The following PAPOLB variants were observed in gnomAD, a reference collection of about 807,000 sequenced individuals.
PAPOLB encodes the protein PAP-beta.
In PAPOLB, 19 loss-of-function variants were observed where a neutral mutation model predicts 23.2. The ratio of observed to expected loss-of-function variants is 0.82; its 90% CI spans 0.57 to 1.20. The LOEUF is 1.20. PAPOLB is among the 50% of genes most tolerant of loss of function. The pLI is 0.00. For synonymous variants in PAPOLB, 360 were observed against 290.7 expected (o/e 1.24, Z -2.43); for missense variants, 822 against 776.8 (o/e 1.06, Z -0.69).
In PAPOLB at chr7:4,861,776, G is replaced by C; in HGVS notation, c.35C>G (p.Pro12Arg). The C allele has an allele frequency of 6.7e-7, 1 of 1,486,232 alleles. No homozygotes were observed. The highest frequency in any genetic ancestry group is 8.9e-7 in the Non-Finnish European group (1 of 1,121,274). 92.1% of individuals were successfully genotyped at this position (1,486,232 alleles called of 1,614,324 possible). ...MPFPVTTQGP[P>R]QPAPPPNRYG... ...GCGATTCGGCGGCGGCGCCGGCTGC[G>C]GTGGTCCCTGGGTTGTCACCGGAAA... The change falls in exon 1 of 1, where the codon CCG (proline) becomes CGG (arginine). Residue 12 changes from proline to arginine, a missense_variant. This residue lies in a region of PAPOLB where 276 missense variants were observed against 243.9 expected (regional missense o/e 1.13). Transcript: ENST00000404991.
chr7:4,861,994 T>A lies in PAPOLB; in HGVS notation c.-184A>T. On this transcript the variant is annotated 5_prime_UTR_variant, in exon 1 of 1. It removes an upstream start codon present in the reference 5' UTR. Transcript: ENST00000404991. ...CTCCTCCTTCCCCTCAGCCCCAACA[T>A]GGCGCCAGACCCCTCAGCGGCTGCG... is the stretch of plus-strand genomic sequence containing the variant. The A allele has an allele frequency of 2.2e-6, 1 of 446,522 alleles. No individual in the cohort carries two copies. The highest frequency in any genetic ancestry group is 4.0e-6 in the Non-Finnish European group (1 of 252,154). 27.7% of individuals were successfully genotyped at this position (446,522 alleles called of 1,614,324 possible).
In PAPOLB at chr7:4,859,028, C is replaced by T. The variant is rs1376861060; in HGVS notation, c.*869G>A. 2.0e-5 allele frequency: 3 copies of T among 152,164 alleles called. No individual in the cohort carries two copies. The highest frequency in any genetic ancestry group is 1.9e-4 in the East Asian group (1 of 5,200). 9.4% of individuals were successfully genotyped at this position (152,164 alleles called of 1,614,324 possible). The stretch of plus-strand genomic sequence containing the variant: ...ACAGATTAAAACCAGTGTGTCCTTT[C>T]TCCATAGTGTGCCATCAAAACCAAA... On this transcript the variant is annotated 3_prime_UTR_variant, in exon 1 of 1. Transcript: ENST00000404991.
rs1223428875 is a variant in PAPOLB at position 4,861,729 on chromosome 7, T to C, written c.82A>G (p.Ser28Gly). Reference protein sequence around the residue: ...PNRYGVSSPISLAVPKETDCL... With the variant: ...PNRYGVSSPIGLAVPKETDCL... ...TCCGTCTCCTTGGGGACCGCTAGAC[T>C]GATAGGCGAGGAGACGCCGTAGCGA... The change falls in exon 1 of 1, where the codon AGT (serine) becomes GGT (glycine). Residue 28 changes from serine to glycine, a missense_variant. Around this residue, in one of 3 missense-constraint regions of PAPOLB, gnomAD observed 276 missense variants for 243.9 expected, o/e 1.13. Transcript: ENST00000404991. The C allele has an allele frequency of 1.3e-6, 2 of 1,528,210 alleles. No individual in the cohort carries two copies. The highest frequency in any genetic ancestry group is 1.8e-6 in the Non-Finnish European group (2 of 1,140,486). 94.7% of individuals were successfully genotyped at this position (1,528,210 alleles called of 1,614,324 possible). A position where few individuals can be genotyped will look rare whatever the true frequency, so the allele number is the denominator to read the frequency against.
At position 4,861,057 on chromosome 7, in the gene PAPOLB, T is replaced by C. The variant is rs1783978176; in HGVS notation, c.754A>G (p.Met252Val). ...LGFLGGVSWA[M>V]LVARTCQLYP... ...AGCTGACAAGTTCTTGCTACTAGCA[T>C]GGCCCAGGAAACACCTCCGAGGAAA... Residue 252 changes from methionine (M) to valine (V), a missense_variant, in exon 1 of 1, where the codon ATG (methionine) becomes GTG (valine). Physicochemically the swap from Met to Val is conservative, Grantham distance 21. Transcript: ENST00000404991. 6.2e-6 allele frequency: 10 copies of C among 1,614,248 alleles called. No individual in the cohort carries two copies. Among genetic ancestry groups the C allele is most frequent in the South Asian group, 4.4e-5 (4 of 91,088 alleles).
At position 4,860,017 on chromosome 7, in the gene PAPOLB, G is replaced by A. The variant is rs140561057; in HGVS notation, c.1794C>T (p.Val598=). The change falls in exon 1 of 1, where the codon GTC becomes GTT. Residue 598 remains valine, a synonymous_variant. Transcript: ENST00000404991. Reference sequence around the variant, plus strand: ...GTGATGGAGAAATGGCAGGCTGAGAGACAGCGTGAGGAATACTTTCGTTTA... The same window carrying A: ...GTGATGGAGAAATGGCAGGCTGAGAAACAGCGTGAGGAATACTTTCGTTTA... ...VALNESIPHA[V]SQPAISPSPK... The A allele has an allele frequency of 4.1e-4, 658 of 1,613,970 alleles. 4 individuals carry two copies. The African/African-American group carries it at 8.0e-3, about 20-fold the overall frequency.
rs1235765326 is a variant in PAPOLB at position 4,860,930 on chromosome 7, C to T, written c.881G>A (p.Arg294Gln). Reference protein sequence around the residue: ...NPVLLKEPEERNLNLPVWDPR... With the variant: ...NPVLLKEPEEQNLNLPVWDPR... ...GTCCCATACAGGCAAATTAAGATTC[C>T]GTTCTTCAGGCTCCTTCAGTAACAC... The change falls in exon 1 of 1, where the codon CGG becomes CAG. Residue 294 changes from arginine (R) to glutamine (Q), a missense_variant. Physicochemically the swap from Arg to Gln is conservative, Grantham distance 43. This residue lies in a region of PAPOLB where 534 missense variants were observed against 502.8 expected (regional missense o/e 1.06). Transcript: ENST00000404991. 3 of 1,614,088 alleles carry T rather than the reference C, an allele frequency of 1.9e-6. No individual in the cohort carries two copies. Among genetic ancestry groups the T allele is most frequent in the Admixed American group, 1.7e-5 (1 of 60,004 alleles).
chr7:4,860,385 T>C lies in PAPOLB; in HGVS notation c.1426A>G (p.Lys476Glu). The C allele has an allele frequency of 1.2e-6, 2 of 1,613,948 alleles. No homozygotes were observed. Among genetic ancestry groups the C allele is most frequent in the Non-Finnish European group, 1.7e-6 (2 of 1,179,798 alleles). Residue 476 changes from lysine to glutamate, a missense_variant, in exon 1 of 1, where the codon AAG becomes GAG. By Grantham distance (56) the Lys-to-Glu change is moderately conservative. Coordinates refer to ENST00000404991, the MANE Select transcript of PAPOLB (RefSeq NM_020144.5). ...DTVYRQAVNS[K>E]MFEMGMKITA... ...ATTTTCATACCCATCTCAAACATCT[T>C]ACTATTCACTGCTTGCCTATAAACA...
rs1381421153 is a variant in PAPOLB at position 4,862,025 on chromosome 7, G to T, written c.-215C>A. On this transcript the variant is annotated 5_prime_UTR_variant, in exon 1 of 1. It adds an upstream start codon to the 5' untranslated region. Coordinates refer to ENST00000404991, the MANE Select transcript of PAPOLB (RefSeq NM_020144.5). ...CAGACCCCTCAGCGGCTGCGTTCCA[G>T]AACCTACCGTACACGCGCGGGCGCC... The T allele has an allele frequency of 4.8e-6, 2 of 419,790 alleles. No individual in the cohort carries two copies. Among genetic ancestry groups the T allele is most frequent in the Non-Finnish European group, 8.5e-6 (2 of 236,670 alleles). 26.0% of individuals were successfully genotyped at this position (419,790 alleles called of 1,614,324 possible).
Position 4,861,834 on chromosome 7 carries a change from G to GCACGTCCCCCACCACCGCGACCTT in PAPOLB, c.-48_-25dup, listed in dbSNP as rs3833677. 0.35 allele frequency: 437,962 copies of GCACGTCCCCCACCACCGCGACCTT among 1,266,936 alleles called. 91,927 individuals are homozygous for GCACGTCCCCCACCACCGCGACCTT. The highest frequency in any genetic ancestry group is 0.57 in the African/African-American group (36,257 of 63,832). The allele number at this position is 1,266,936 out of a possible 1,614,324, so 78.5% of individuals were successfully genotyped here. On this transcript the variant is annotated 5_prime_UTR_variant, in exon 1 of 1. Transcript: ENST00000404991. ...ATCTTTCAGCGCCCGCCCCGCCAGG[G>GCACGTCCCCCACCACCGCGACCTT]CACGTCCCCCACCACCGCGACCTTC...
In PAPOLB at chr7:4,861,830, C is replaced by T. The variant is rs1354023927; in HGVS notation, c.-20G>A. ...CATCATCTTTCAGCGCCCGCCCCGC[C>T]AGGGCACGTCCCCCACCACCGCGAC... On this transcript the variant is annotated 5_prime_UTR_variant, in exon 1 of 1. The change creates a premature stop within an existing upstream ORF in the 5' untranslated region. Transcript: ENST00000404991. 2 of 1,270,192 alleles carry T rather than the reference C, an allele frequency of 1.6e-6. No individual in the cohort carries two copies. The highest frequency in any genetic ancestry group is 4.2e-5 in the Admixed American group (1 of 23,738). The allele number at this position is 1,270,192 out of a possible 1,614,324, so 78.7% of individuals were successfully genotyped here.
Position 4,862,019 on chromosome 7 carries a change from G to T in PAPOLB, c.-209C>A. On this transcript the variant is annotated 5_prime_UTR_variant, in exon 1 of 1. Coordinates refer to ENST00000404991, the MANE Select transcript of PAPOLB (RefSeq NM_020144.5). ...TGGCGCCAGACCCCTCAGCGGCTGC[G>T]TTCCAGAACCTACCGTACACGCGCG... 1 of 423,152 alleles carries T rather than the reference G, an allele frequency of 2.4e-6. No homozygotes were observed. 26.2% of individuals were successfully genotyped at this position (423,152 alleles called of 1,614,324 possible).
chr7:4,860,051 C>T lies in PAPOLB; in HGVS notation c.1760G>A (p.Gly587Glu). The change falls in exon 1 of 1, where the codon GGG (glycine) becomes GAG (glutamate). Residue 587 changes from glycine (G) to glutamate (E), a missense_variant. Around this residue, in one of 3 missense-constraint regions of PAPOLB, gnomAD observed 534 missense variants for 502.8 expected, o/e 1.06. Transcript: ENST00000404991. The stretch of plus-strand genomic sequence containing the variant: ...AGGAATACTTTCGTTTAATGCAACC[C>T]CTGAACTTTCATTGGTATTCACCTG... ...LQQVNTNESS[G>E]VALNESIPHA... 6.2e-7 allele frequency: 1 copy of T among 1,613,964 alleles called. No homozygotes were observed. The highest frequency in any genetic ancestry group is 8.5e-7 in the Non-Finnish European group (1 of 1,179,866).
In PAPOLB at chr7:4,861,817, G is replaced by A. The variant is rs1399421880; in HGVS notation, c.-7C>T. ...TCACCGGAAACGGCATCATCTTTCA[G>A]CGCCCGCCCCGCCAGGGCACGTCCC... On this transcript the variant is annotated 5_prime_UTR_variant, in exon 1 of 1. Coordinates refer to ENST00000404991, the MANE Select transcript of PAPOLB (RefSeq NM_020144.5). 7.5e-7 allele frequency: 1 copy of A among 1,328,046 alleles called. No homozygotes were observed. The highest frequency in any genetic ancestry group is 3.8e-5 in the Admixed American group (1 of 26,156). 82.3% of individuals were successfully genotyped at this position (1,328,046 alleles called of 1,614,324 possible). A position where few individuals can be genotyped will look rare whatever the true frequency, so the allele number is the denominator to read the frequency against.
Position 4,861,834 on chromosome 7 carries a change from G to GCTCGTCCCCCACCACCGCGACCTT in PAPOLB, c.-25_-24insAAGGTCGCGGTGGTGGGGGACGAG. ...ATCTTTCAGCGCCCGCCCCGCCAGG[G>GCTCGTCCCCCACCACCGCGACCTT]CACGTCCCCCACCACCGCGACCTTC... is the stretch of plus-strand genomic sequence containing the variant. On this transcript the variant is annotated 5_prime_UTR_variant, in exon 1 of 1. Transcript: ENST00000404991. 2 of 1,268,414 alleles carry GCTCGTCCCCCACCACCGCGACCTT rather than the reference G, an allele frequency of 1.6e-6. No individual in the cohort carries two copies. Among genetic ancestry groups the GCTCGTCCCCCACCACCGCGACCTT allele is most frequent in the Non-Finnish European group, 2.1e-6 (2 of 972,354 alleles). 78.6% of individuals were successfully genotyped at this position (1,268,414 alleles called of 1,614,324 possible).
chr7:4,859,888 A>G lies in PAPOLB; in HGVS notation c.*9T>C. 1 of 1,565,664 alleles carries G rather than the reference A, an allele frequency of 6.4e-7. No homozygotes were observed. The highest frequency in any genetic ancestry group is 1.1e-5 in the South Asian group (1 of 88,630). On this transcript the variant is annotated 3_prime_UTR_variant, in exon 1 of 1. Transcript: ENST00000404991. The stretch of plus-strand genomic sequence containing the variant: ...TCTTTATGAGGCAAGAATATCCTCT[A>G]GACTCCAACTATAGGATTAGATATG...
In PAPOLB at chr7:4,859,021, G is replaced by A. The variant is rs956436983; in HGVS notation, c.*876C>T. The A allele has an allele frequency of 6.6e-6, 1 of 152,142 alleles. No homozygotes were observed. Among genetic ancestry groups the A allele is most frequent in the Non-Finnish European group, 1.5e-5 (1 of 68,008 alleles). The allele number at this position is 152,142 out of a possible 1,614,324, so 9.4% of individuals were successfully genotyped here. ...CAGTTCTACAGATTAAAACCAGTGT[G>A]TCCTTTCTCCATAGTGTGCCATCAA... is the stretch of plus-strand genomic sequence containing the variant. On this transcript the variant is annotated 3_prime_UTR_variant, in exon 1 of 1. Coordinates refer to ENST00000404991, the MANE Select transcript of PAPOLB (RefSeq NM_020144.5).
In PAPOLB at chr7:4,861,794, A is replaced by G. The variant is rs2115034548; in HGVS notation, c.17T>C (p.Val6Ala). The change falls in exon 1 of 1, where the codon GTG (valine) becomes GCG (alanine). Residue 6 changes from valine (V) to alanine (A), a missense_variant. Val to Ala is a moderately conservative substitution (Grantham distance 64, BLOSUM62 0). This residue lies in a region of PAPOLB where 276 missense variants were observed against 243.9 expected (regional missense o/e 1.13). Transcript: ENST00000404991. ...CGGCTGCGGTGGTCCCTGGGTTGTC[A>G]CCGGAAACGGCATCATCTTTCAGCG... The part of the protein sequence containing the change: MMPFP[V>A]TTQGPPQPAP... 6.9e-7 allele frequency: 1 copy of G among 1,439,874 alleles called. No individual in the cohort carries two copies. The highest frequency in any genetic ancestry group is 2.5e-5 in the East Asian group (1 of 40,776). The allele number at this position is 1,439,874 out of a possible 1,614,324, so 89.2% of individuals were successfully genotyped here.
In PAPOLB at chr7:4,858,227, A is replaced by G. The variant is rs1168721547; in HGVS notation, c.*1670T>C. On this transcript the variant is annotated 3_prime_UTR_variant, in exon 1 of 1. Coordinates refer to ENST00000404991, the MANE Select transcript of PAPOLB (RefSeq NM_020144.5). ...TGGAAAATTAATGCAGGACAGGAAA[A>G]GAGTTTAAGTAATTGCAGTTTAACA... The G allele has an allele frequency of 6.6e-6, 1 of 152,216 alleles. No individual in the cohort carries two copies. Among genetic ancestry groups the G allele is most frequent in the Non-Finnish European group, 1.5e-5 (1 of 68,028 alleles). The allele number at this position is 152,216 out of a possible 1,614,324, so 9.4% of individuals were successfully genotyped here. A position where few individuals can be genotyped will look rare whatever the true frequency, so the allele number is the denominator to read the frequency against.
In PAPOLB at chr7:4,860,858, G is replaced by A; in HGVS notation, c.953C>T (p.Thr318Ile). 1 of 1,614,022 alleles carries A rather than the reference G, an allele frequency of 6.2e-7. No homozygotes were observed. Among genetic ancestry groups the A allele is most frequent in the Non-Finnish European group, 8.5e-7 (1 of 1,179,880 alleles). Residue 318 changes from threonine (T) to isoleucine (I), a missense_variant, in exon 1 of 1, where the codon ACA becomes ATA. Around this residue, in one of 3 missense-constraint regions of PAPOLB, gnomAD observed 534 missense variants for 502.8 expected, o/e 1.06. Coordinates refer to ENST00000404991, the MANE Select transcript of PAPOLB (RefSeq NM_020144.5). The part of the protein sequence containing the change: ...SDRYHLMPII[T>I]PAYPQQNSTY... ...GGAGTTCTGCTGTGGGTATGCTGGT[G>A]TGATGATAGGCATAAGATGGTACCT...
Sources: gnomAD v4.1 joint callset for allele counts on GRCh38, gnomAD v4.1.1 for gene constraint, gnomAD v4.1.1 regional missense constraint, MANE v1.5 for transcripts, NCBI Gene and HGNC (gene_info 2026-07-23, HGNC 2026-07-21) for gene names.